FAM174B: variants seen among roughly 807,000 people sequenced by gnomAD.
The protein encoded by FAM174B is family with sequence similarity 174 member B.
In FAM174B, 12 loss-of-function variants were observed where a neutral mutation model predicts 10.9. The observed-to-expected ratio is 1.10, with a 90% confidence interval of 0.71 to 1.79. FAM174B has a LOEUF of 1.79. Among genes scored for constraint, FAM174B ranks in the 40% most tolerant of loss-of-function variants. FAM174B has a pLI of 0.00. For synonymous variants in FAM174B, 132 were observed against 115.8 expected, an observed-to-expected ratio of 1.14 and a Z score of -0.90; for missense variants, 266 against 233.3, an observed-to-expected ratio of 1.14 and a Z score of -0.91.
chr15:92,632,052 C>G (rs774720930), intron 1 of FAM174B, among the ~76,000 whole-genome samples: 40 of 151,458 alleles, frequency 2.6e-4, no homozygotes, highest in Non-Finnish European at 4.9e-4. Flanking sequence ...GCAGTTAAGC[C>G]TGCACACAGC....
chr15:92,644,365 G>A (rs1418410505), intron 1 of FAM174B, among the ~76,000 whole-genome samples: 1 of 152,112 alleles, frequency 6.6e-6, no homozygotes, highest in Admixed American at 6.5e-5. Flanking sequence ...ACACCGGTGT[G>A]ATAGAAATCT....
At chr15:92,626,823 C>T (rs563832709) in intron 2 of FAM174B, among the ~76,000 whole-genome samples, 5 of 152,062 alleles carry the variant, frequency 3.3e-5, no homozygotes, top group Non-Finnish European at 5.9e-5. Context: ...GAGGCCGAGG[C>T]GGGTGGATCA....
At chr15:92,651,178 G>A (rs1002127262) in intron 1 of FAM174B, among the ~76,000 whole-genome samples, 1 of 152,208 alleles carries the variant, frequency 6.6e-6, no homozygotes, top group Non-Finnish European at 1.5e-5. Context: ...TGGATATGAT[G>A]TGAGAATCTG....
intron 1 of FAM174B, among the ~76,000 whole-genome samples, chr15:92,634,117 C>T (rs1481054643): frequency 6.6e-6 from 1 of 152,204 alleles, no homozygotes; most frequent in African/African-American, 2.4e-5. Flanking sequence ...ATTTCTGACA[C>T]ACAGCTAAAC....
At chr15:92,635,167 ACC>A (rs1491238824) in intron 1 of FAM174B, among the ~76,000 whole-genome samples, 410 of 6,604 alleles carry the variant, frequency 0.062, 3 homozygotes, top group African/African-American at 0.11. Context: ...CTCCACACAC[ACC>A]CACACACACA....
intron 1 of FAM174B, among the ~76,000 whole-genome samples, chr15:92,652,279 C>T (rs1047166936): frequency 6.6e-6 from 1 of 152,184 alleles, no homozygotes; most frequent in South Asian, 2.1e-4. Context: ...CAGAGGGGCC[C>T]TAGCTGCAGA....
intron 2 of FAM174B, among the ~76,000 whole-genome samples, chr15:92,623,956 C>CT (rs916451169): frequency 6.6e-6 from 1 of 152,124 alleles, no homozygotes; most frequent in African/African-American, 2.4e-5. Context: ...TCCCTCTTTT[C>CT]TTTTTCTTTC....
chr15:92,624,481 G>A (rs74029158), intron 2 of FAM174B, among the ~76,000 whole-genome samples: 160 of 152,320 alleles, frequency 1.1e-3, no homozygotes, highest in African/African-American at 3.5e-3. Context: ...CCATGAGGGC[G>A]TCCATGGGGA....
intron 1 of FAM174B, among the ~76,000 whole-genome samples, chr15:92,631,509 T>C (rs1299958671): frequency 8.7e-6 from 1 of 114,502 alleles, no homozygotes; most frequent in Non-Finnish European, 1.7e-5. Flanking sequence ...TCTTTTTTTT[T>C]TTTAAGATGG....
chr15:92,640,424 C>T (rs2050883011), intron 1 of FAM174B, among the ~76,000 whole-genome samples: 1 of 151,656 alleles, frequency 6.6e-6, no homozygotes, highest in African/African-American at 2.4e-5. Flanking sequence ...TGGTGGTGGG[C>T]ACCTGTCATC....
intron 1 of FAM174B, among the ~76,000 whole-genome samples, chr15:92,652,561 AG>A (rs2050973484): frequency 6.6e-6 from 1 of 152,096 alleles, no homozygotes; most frequent in Non-Finnish European, 1.5e-5. Context: ...ATTGGCAGGG[AG>A]GGGTAGAAGA....
chr15:92,621,169 C>T (rs181573854), intron 2 of FAM174B, among the ~76,000 whole-genome samples: 1 of 152,288 alleles, frequency 6.6e-6, no homozygotes, highest in Non-Finnish European at 1.5e-5. Flanking sequence ...TTTGTGTGCA[C>T]ACACATACAT....
chr15:92,634,517 A>C (rs1393747792), intron 1 of FAM174B: 1 of 152,236 alleles, frequency 6.6e-6, no homozygotes, highest in East Asian at 1.9e-4. Flanking sequence ...GAGCCTGCTG[A>C]GCTAAAATAA....
chr15:92,652,279 C>G (rs1047166936), intron 1 of FAM174B, among the ~76,000 whole-genome samples: 1 of 152,184 alleles, frequency 6.6e-6, no homozygotes, highest in African/African-American at 2.4e-5. Flanking sequence ...CAGAGGGGCC[C>G]TAGCTGCAGA....
intron 1 of FAM174B, among the ~76,000 whole-genome samples, chr15:92,654,527 A>T (rs1444846389): frequency 6.6e-6 from 1 of 152,164 alleles, no homozygotes; most frequent in African/African-American, 2.4e-5. Flanking sequence ...AATTTACCAG[A>T]CACTTTATCC....
intron 1 of FAM174B, among the ~76,000 whole-genome samples, chr15:92,631,230 ATATATTATATAT>A (rs1567045078): frequency 0.02 from 26 of 1,322 alleles, 9 homozygotes; most frequent in African/African-American, 0.028. Context: ...ATTATATATA[ATATATTATATAT>A]TATATTATAT....
At chr15:92,654,534 A>T (rs1432912850) in intron 1 of FAM174B, among the ~76,000 whole-genome samples, 1 of 152,146 alleles carries the variant, frequency 6.6e-6, no homozygotes, top group Non-Finnish European at 1.5e-5. Flanking sequence ...CAGACACTTT[A>T]TCCCTGAACG....
At chr15:92,623,440 T>C (rs545416129) in intron 2 of FAM174B, among the ~76,000 whole-genome samples, 26 of 152,220 alleles carry the variant, frequency 1.7e-4, no homozygotes, top group African/African-American at 2.6e-4. Flanking sequence ...AAAATCTCTA[T>C]AGGAAGTGAA....
In FAM174B at chr15:92,630,206, C is replaced by T; in HGVS notation, c.476+8G>A. 6.2e-7 allele frequency: 1 copy of T among 1,613,534 alleles called. No homozygotes were observed. The highest frequency in any genetic ancestry group is 8.5e-7 in the Non-Finnish European group (1 of 1,179,632). ...GCCCAGGAGGAAGCCTCTGTCTCCA[C>T]CCTGTACCTGTATTTGATGTCGAAT... is the stretch of plus-strand genomic sequence containing the variant. On this transcript the variant is annotated splice_region_variant and intron_variant, in intron 2 of 2. Transcript: ENST00000327355.
Sources: gnomAD v4.1 joint callset for allele counts (sites outside exome capture counted in the v4.1 genomes callset) on GRCh38, gnomAD v4.1.1 for gene constraint, MANE v1.5 for transcripts, NCBI Gene and HGNC (gene_info 2026-07-23, HGNC 2026-07-21) for gene names.